Variants in MARCHF4 observed in about 807,000 individuals in gnomAD.
MARCHF4 encodes the protein membrane associated ring-CH-type finger 4, also known as E3 ubiquitin-protein ligase MARCHF4.
A neutral mutation model predicts 43.9 loss-of-function variants in MARCHF4; 14 were observed. That is an observed-to-expected ratio of 0.32 (90% CI 0.21 to 0.50). The LOEUF is 0.50. Ranked by LOEUF, MARCHF4 falls within the 20% of genes least tolerant of loss-of-function variation. The pLI is 0.98. For missense variants in MARCHF4, 468 were observed against 536.7 expected (o/e 0.87, Z 1.27); for synonymous variants, 226 against 213.3 (o/e 1.06, Z -0.52).
chr2:216,263,435 AAGAG>A (rs10557836), intron 3 of MARCHF4, among the ~76,000 whole-genome samples: 116,218 of 137,180 alleles, frequency 0.85, 49,777 homozygotes, highest in Non-Finnish European at 0.88. Context: ...CTGAAAGAGA[AAGAG>A]AGAGAGAGAG....
intron 3 of MARCHF4, 143 bp downstream of exon 3, chr2:216,277,529 C>G: frequency 1.3e-6 from 1 of 791,280 alleles, no homozygotes; most frequent in Non-Finnish European, 2.0e-6. Flanking sequence ...TGAATCCAAG[C>G]CTCTGGCCTC....
At chr2:216,360,286 C>T (rs1301420004) in intron 1 of MARCHF4, among the ~76,000 whole-genome samples, 1 of 152,020 alleles carries the variant, frequency 6.6e-6, no homozygotes, top group Non-Finnish European at 1.5e-5. Flanking sequence ...TTAACATTTG[C>T]CTTTAAATGT....
At chr2:216,366,183 C>T (rs1457535403) in intron 1 of MARCHF4, among the ~76,000 whole-genome samples, 1 of 152,126 alleles carries the variant, frequency 6.6e-6, no homozygotes, top group Non-Finnish European at 1.5e-5. Flanking sequence ...GACATGGGGA[C>T]TATTATTATT....
At chr2:216,362,795 C>T (rs1692606052) in intron 1 of MARCHF4, among the ~76,000 whole-genome samples, 1 of 152,158 alleles carries the variant, frequency 6.6e-6, no homozygotes, top group South Asian at 2.1e-4. Context: ...TTGCTTTTAC[C>T]ATACACAGAA....
chr2:216,339,972 C>T (rs1692211697), intron 1 of MARCHF4, among the ~76,000 whole-genome samples: 1 of 152,110 alleles, frequency 6.6e-6, no homozygotes, highest in South Asian at 2.1e-4. Flanking sequence ...GGCTCCCTCC[C>T]TGCTGGGCTC....
At chr2:216,337,864 T>C (rs903598142) in intron 1 of MARCHF4, among the ~76,000 whole-genome samples, 1 of 152,128 alleles carries the variant, frequency 6.6e-6, no homozygotes, top group Non-Finnish European at 1.5e-5. Flanking sequence ...AACTGTTGAG[T>C]GGCAGGCACT....
In MARCHF4 at chr2:216,270,401, A is replaced by G. The variant is rs536644914; in HGVS notation, c.865+7271T>C. Among the ~76,000 whole-genome samples the G allele has an allele frequency of 1.1e-4, 17 of 152,110 alleles. No homozygotes were observed. In the South Asian group the frequency reaches 3.1e-3, roughly 28 times the overall value. On this transcript the variant is annotated intron_variant, in intron 3 of 3. Coordinates refer to ENST00000273067, the MANE Select transcript of MARCHF4 (RefSeq NM_020814.3). ...TACCAGAGATTTTTAACCCTCTTTTATCACCCGCCCCAACCCCATCAGTCA... is the reference window on the plus strand; with the variant it reads ...TACCAGAGATTTTTAACCCTCTTTTGTCACCCGCCCCAACCCCATCAGTCA...
At chr2:216,300,350 G>GTATATA (rs201683040) in intron 1 of MARCHF4, among the ~76,000 whole-genome samples, 22 of 115,792 alleles carry the variant, frequency 1.9e-4, no homozygotes, top group African/African-American at 5.3e-4. Context: ...ATATATATAT[G>GTATATA]TATATATATA....
intron 1 of MARCHF4, among the ~76,000 whole-genome samples, chr2:216,309,788 C>T (rs1041749094): frequency 1.3e-5 from 2 of 152,184 alleles, no homozygotes; most frequent in Non-Finnish European, 1.5e-5. Flanking sequence ...CCACATGCAG[C>T]CATTCACTTC....
chr2:216,273,741 C>T (rs567844663), intron 3 of MARCHF4, among the ~76,000 whole-genome samples: 52 of 152,354 alleles, frequency 3.4e-4, no homozygotes, highest in African/African-American at 1.2e-3. Flanking sequence ...CCCGTGGCTC[C>T]TGCCTTTGTT....
chr2:216,299,086 G>A (rs1487103836), intron 1 of MARCHF4, among the ~76,000 whole-genome samples: 2 of 152,078 alleles, frequency 1.3e-5, no homozygotes, highest in African/African-American at 2.4e-5. Context: ...GAAAAGAAAG[G>A]CTCAGAAGAC....
intron 1 of MARCHF4, among the ~76,000 whole-genome samples, chr2:216,306,886 C>T (rs1691595444): frequency 6.6e-6 from 1 of 151,968 alleles, no homozygotes. Context: ...TCTCTCAATT[C>T]ATTCATAAGT....
rs142894558 is a variant in MARCHF4, at chr2:216,341,774, A to G, written c.516+27971T>C. ...GTAGCACAGTCCCAGGGTCTCCCCT[A>G]CTGGGCTGGGAATTAACCCTTTAGG... On this transcript the variant is annotated intron_variant, in intron 1 of 3. Coordinates refer to ENST00000273067, the MANE Select transcript of MARCHF4 (RefSeq NM_020814.3). 1.8e-4 allele frequency among the ~76,000 whole-genome samples: 28 copies of G among 152,298 alleles called. No homozygotes were observed. The East Asian group carries it at 4.6e-3, about 25-fold the overall frequency.
Position 216,258,620 on chromosome 2 carries a change from TA to T in MARCHF4, c.*691del, listed in dbSNP as rs1690690243. 1.3e-5 allele frequency: 2 copies of T among 152,054 alleles called. No individual in the cohort carries two copies. The highest frequency in any genetic ancestry group is 1.3e-4 in the Admixed American group (2 of 15,212). 9.4% of individuals were successfully genotyped at this position (152,054 alleles called of 1,614,324 possible). A position where few individuals can be genotyped will look rare whatever the true frequency, so the allele number is the denominator to read the frequency against. On this transcript the variant is annotated 3_prime_UTR_variant, in exon 4 of 4. Coordinates refer to ENST00000273067, the MANE Select transcript of MARCHF4 (RefSeq NM_020814.3). ...ACAGAAGGACACCCTTTTCCAAACC[TA>T]AGCCCTCTTTTAGCCCACCTGAAAT...
intron 1 of MARCHF4, among the ~76,000 whole-genome samples, chr2:216,296,188 CA>C (rs541890663): frequency 5.2e-4 from 79 of 150,938 alleles, no homozygotes; most frequent in Non-Finnish European, 9.9e-4. Context: ...AATAAAAGTA[CA>C]AAAAAAATTA....
At chr2:216,290,419 G>A (rs1177687113) in intron 1 of MARCHF4, among the ~76,000 whole-genome samples, 5 of 152,190 alleles carry the variant, frequency 3.3e-5, no homozygotes, top group African/African-American at 1.2e-4. Flanking sequence ...TAGTTTAGAG[G>A]AAGAGGAGCC....
At chr2:216,297,629 T>C (rs1691418216) in intron 1 of MARCHF4, among the ~76,000 whole-genome samples, 1 of 152,248 alleles carries the variant, frequency 6.6e-6, no homozygotes, top group Non-Finnish European at 1.5e-5. Flanking sequence ...TTCTTTTGCC[T>C]TAGCCTCCCA....
intron 1 of MARCHF4, among the ~76,000 whole-genome samples, chr2:216,312,214 G>A (rs943167389): frequency 3.3e-5 from 5 of 152,138 alleles, no homozygotes; most frequent in Non-Finnish European, 7.4e-5. Context: ...GGAACATGTA[G>A]TTTTCTGTGT....
intron 3 of MARCHF4, among the ~76,000 whole-genome samples, chr2:216,259,945 G>A (rs890063364): frequency 8.5e-5 from 13 of 152,086 alleles, no homozygotes; most frequent in Middle Eastern, 3.2e-3. Flanking sequence ...TTCCTGCCTC[G>A]ACAAAATCCA....
Sources: gnomAD v4.1 joint callset for allele counts (sites outside exome capture counted in the v4.1 genomes callset) on GRCh38, gnomAD v4.1.1 for gene constraint, MANE v1.5 for transcripts, NCBI Gene and HGNC (gene_info 2026-07-23, HGNC 2026-07-21) for gene names.